Variants in PPP1R12A observed in about 807,000 individuals in gnomAD.
PPP1R12A encodes myosin binding subunit.
PPP1R12A carries 19 observed loss-of-function variants against 139.6 expected under a neutral mutation model. That is an observed-to-expected ratio of 0.14 (90% CI 0.09 to 0.20). The LOEUF (loss-of-function observed/expected upper bound fraction) is 0.20, where lower values mean the gene tolerates loss of function less well. Ranked by LOEUF, PPP1R12A falls within the 10% of genes least tolerant of loss-of-function variation. The pLI, the probability that PPP1R12A is intolerant of heterozygous loss-of-function variation, is 1.00. For missense variants in PPP1R12A, 925 were observed against 1,211.5 expected, an observed-to-expected ratio of 0.76 and a Z score of 3.51; for synonymous variants, 427 against 420.6, an observed-to-expected ratio of 1.02 and a Z score of -0.19.
intron 1 of PPP1R12A, among the ~76,000 whole-genome samples, chr12:79,909,750 T>C (rs1244919976): frequency 6.7e-6 from 1 of 150,024 alleles, no homozygotes; most frequent in Non-Finnish European, 1.5e-5. Context: ...AAAAAAATTA[T>C]GCATCCCAAC....
At chr12:79,800,198 A>C (rs1872945629) in intron 14 of PPP1R12A, among the ~76,000 whole-genome samples, 1 of 152,150 alleles carries the variant, frequency 6.6e-6, no homozygotes, top group Non-Finnish European at 1.5e-5. Context: ...GCTGAACAAC[A>C]CAAGTTTGAA....
intron 10 of PPP1R12A, 119 bp from the exon 11 acceptor site, chr12:79,808,696 G>A (rs1040397094): frequency 4.3e-6 from 2 of 463,524 alleles, no homozygotes; most frequent in Admixed American, 3.9e-5. Flanking sequence ...ATAGTTTACA[G>A]TATTTCAACA....
In PPP1R12A at chr12:79,828,335, C is replaced by T. The variant is rs2137139878; in HGVS notation, c.777G>A (p.Glu259=). The T allele has an allele frequency of 1.2e-6, 2 of 1,610,190 alleles. No individual in the cohort carries two copies. Among genetic ancestry groups the T allele is most frequent in the Non-Finnish European group, 1.7e-6 (2 of 1,177,678 alleles). Residue 259 remains glutamate (E), a synonymous_variant, in exon 5 of 25, where the codon GAG becomes GAA. Coordinates refer to ENST00000450142, the MANE Select transcript of PPP1R12A (RefSeq NM_002480.3). ...RILVDNLCDM[E]MVNKVGQTAF... The stretch of plus-strand genomic sequence containing the variant: ...AAACGCCTACCACTTTGTTGACCAT[C>T]TCCATATCACACAGATTGTCCACTA...
chr12:79,795,731 T>G lies in PPP1R12A; in HGVS notation c.2490A>C (p.Glu830Asp). 1.2e-6 allele frequency: 2 copies of G among 1,611,458 alleles called. No individual in the cohort carries two copies. Among genetic ancestry groups the G allele is most frequent in the Non-Finnish European group, 1.7e-6 (2 of 1,178,268 alleles). ...REGEKREEEK[E>D]GEDKSQPKSI... ...ATTTAGGTTGTGATTTATCTTCTCC[T>G]TCTTTCTCCTCTTCTCTTTTTTCTC... Residue 830 changes from glutamate (E) to aspartate (D), a missense_variant, in exon 18 of 25, where the codon GAA becomes GAC. Glu to Asp is a conservative substitution (Grantham distance 45). Around this residue, in one of 4 missense-constraint regions of PPP1R12A, gnomAD observed 315 missense variants for 363.4 expected, o/e 0.87. Transcript: ENST00000450142.
At chr12:79,929,269 C>T (rs1888074854) in intron 1 of PPP1R12A, among the ~76,000 whole-genome samples, 1 of 152,198 alleles carries the variant, frequency 6.6e-6, no homozygotes, top group Admixed American at 6.5e-5. Context: ...TGTCGCTCAC[C>T]TCCTGCTGTG....
chr12:79,828,467 A>G lies in PPP1R12A; in HGVS notation c.648-3T>C. Reference sequence around the variant, plus strand: ...CATAGCCTGCCTGTATTAAAAGTCTAAAGAAATTACAGTGAATTAGACAAT... The same window carrying G: ...CATAGCCTGCCTGTATTAAAAGTCTGAAGAAATTACAGTGAATTAGACAAT... On this transcript the variant is annotated splice_region_variant and splice_polypyrimidine_tract_variant and intron_variant, in intron 4 of 24. Coordinates refer to ENST00000450142, the MANE Select transcript of PPP1R12A (RefSeq NM_002480.3). 1.3e-6 allele frequency: 2 copies of G among 1,588,660 alleles called. No individual in the cohort carries two copies. The highest frequency in any genetic ancestry group is 1.7e-6 in the Non-Finnish European group (2 of 1,163,278).
chr12:79,892,057 G>A (rs1259335248), intron 1 of PPP1R12A, among the ~76,000 whole-genome samples: 1 of 152,184 alleles, frequency 6.6e-6, no homozygotes, highest in African/African-American at 2.4e-5. Context: ...ACTATGCAGT[G>A]ATAACTAATG....
chr12:79,822,430 A>G (rs1355101811), intron 5 of PPP1R12A, among the ~76,000 whole-genome samples: 2 of 152,220 alleles, frequency 1.3e-5, no homozygotes, highest in Non-Finnish European at 2.9e-5. Flanking sequence ...GATATAATTC[A>G]TATACCATAC....
intron 1 of PPP1R12A, among the ~76,000 whole-genome samples, chr12:79,928,578 A>C (rs141357926): frequency 6.6e-6 from 1 of 152,238 alleles, no homozygotes; most frequent in Non-Finnish European, 1.5e-5. Context: ...TACACTGCAC[A>C]TTCTTTTAGA....
At chr12:79,827,317 A>G (rs1876913046) in intron 5 of PPP1R12A, among the ~76,000 whole-genome samples, 2 of 152,266 alleles carry the variant, frequency 1.3e-5, no homozygotes, top group East Asian at 1.9e-4. Flanking sequence ...TATATAAAAT[A>G]TATTTTTAAA....
chr12:79,779,670 T>G lies in PPP1R12A; in HGVS notation c.2956-1070A>C, dbSNP rs192609113. On this transcript the variant is annotated intron_variant, in intron 23 of 24. Coordinates refer to ENST00000450142, the MANE Select transcript of PPP1R12A (RefSeq NM_002480.3). ...CAAATCATCACACTTCTCAAAATAC[T>G]AGCACATAAAGTGTCATATTTGATC... 5 of 275,620 alleles carry G rather than the reference T, an allele frequency of 1.8e-5. No individual in the cohort carries two copies. The East Asian group carries it at 4.0e-4, about 22-fold the overall frequency. The allele number at this position is 275,620 out of a possible 1,614,324, so 17.1% of individuals were successfully genotyped here. A position where few individuals can be genotyped will look rare whatever the true frequency, so the allele number is the denominator to read the frequency against.
chr12:79,906,130 T>C (rs1886089733), intron 1 of PPP1R12A, among the ~76,000 whole-genome samples: 1 of 152,110 alleles, frequency 6.6e-6, no homozygotes, highest in Admixed American at 6.6e-5. Context: ...TTTGAATGAA[T>C]AAGCAAATGA....
At position 79,908,489 on chromosome 12, in the gene PPP1R12A, G is replaced by A. The variant is rs941654763; in HGVS notation, c.237+26206C>T. 1.2e-4 allele frequency among the ~76,000 whole-genome samples: 18 copies of A among 152,016 alleles called. 1 individual carries two copies. The highest frequency in any genetic ancestry group is 1.2e-3 in the Admixed American group (18 of 15,252). On this transcript the variant is annotated intron_variant, in intron 1 of 24. Transcript: ENST00000450142. ...GTCATCCACAGTCCTTTAAAACATAGAAGTTCTAAACTTGGAATCAGATTA... is the reference window on the plus strand; with the variant it reads ...GTCATCCACAGTCCTTTAAAACATAAAAGTTCTAAACTTGGAATCAGATTA...
intron 3 of PPP1R12A, among the ~76,000 whole-genome samples, chr12:79,840,825 T>C (rs1040544865): frequency 6.6e-6 from 1 of 152,182 alleles, no homozygotes. Flanking sequence ...ATCAGCTTTA[T>C]ACTAAAAACC....
intron 2 of PPP1R12A, 99 bp from the exon 3 acceptor site, chr12:79,845,519 T>A (rs575947433): frequency 2.5e-6 from 2 of 814,612 alleles, no homozygotes; most frequent in African/African-American, 1.7e-5. Flanking sequence ...AAAGCAGCAA[T>A]AAAGGGCAGT....
chr12:79,845,650 C>CA (rs1879287441), intron 2 of PPP1R12A, among the ~76,000 whole-genome samples: 1 of 152,146 alleles, frequency 6.6e-6, no homozygotes, highest in Non-Finnish European at 1.5e-5. Flanking sequence ...ACCATCCTAA[C>CA]ACGGTGAAAC....
chr12:79,785,389 CAAGTTT>C lies in PPP1R12A; in HGVS notation c.2907+979_2907+984del, dbSNP rs1312789144. Among the ~76,000 whole-genome samples, 7 of 152,098 alleles carry C rather than the reference CAAGTTT, an allele frequency of 4.6e-5. 1 individual carries two copies. Among genetic ancestry groups the C allele is most frequent in the South Asian group, 4.1e-4 (2 of 4,820 alleles). ...AATGGTTAAAAAAAGGATCTGGTAA[CAAGTTT>C]AAGTTCAACAAACAGAATGAACTTT... is the stretch of plus-strand genomic sequence containing the variant. On this transcript the variant is annotated intron_variant, in intron 22 of 24. Transcript: ENST00000450142.
At chr12:79,930,601 C>T (rs1237203070) in intron 1 of PPP1R12A, among the ~76,000 whole-genome samples, 1 of 151,958 alleles carries the variant, frequency 6.6e-6, no homozygotes, top group African/African-American at 2.4e-5. Context: ...AGAGAAACCG[C>T]ATCTCTACTA....
intron 1 of PPP1R12A, among the ~76,000 whole-genome samples, chr12:79,907,311 T>C (rs1886211407): frequency 6.6e-6 from 1 of 152,190 alleles, no homozygotes; most frequent in East Asian, 1.9e-4. Flanking sequence ...TAAACATATT[T>C]TAGCTTTAAA....
Sources: gnomAD v4.1 joint callset for allele counts (sites outside exome capture counted in the v4.1 genomes callset) on GRCh38, gnomAD v4.1.1 for gene constraint, gnomAD v4.1.1 regional missense constraint, MANE v1.5 for transcripts, NCBI Gene and HGNC (gene_info 2026-07-23, HGNC 2026-07-21) for gene names.